Variants in DMRT1 observed in about 807,000 individuals in gnomAD.
DMRT1 encodes the protein doublesex and mab-3 related transcription factor 1.
A neutral mutation model predicts 32.3 loss-of-function variants in DMRT1; 7 were observed. The ratio of observed to expected loss-of-function variants is 0.22; its 90% CI spans 0.12 to 0.41. DMRT1 has a LOEUF of 0.41. Ranked by LOEUF, DMRT1 falls within the 10% of genes least tolerant of loss-of-function variation. The probability of loss-of-function intolerance (pLI) is 1.00; values close to 1 mark genes in which losing one functional copy is unlikely to be tolerated. For synonymous variants in DMRT1, 278 were observed against 206.1 expected (o/e 1.35, Z -2.99); for missense variants, 625 against 500.5 (o/e 1.25, Z -2.37).
At chr9:864,661 G>A (rs765187339) in intron 2 of DMRT1, among the ~76,000 whole-genome samples, 2 of 151,712 alleles carry the variant, frequency 1.3e-5, no homozygotes, top group African/African-American at 4.8e-5. Flanking sequence ...ACCACGCCTG[G>A]CTAATTTTTT....
At chr9:904,256 C>T (rs1032016849) in intron 3 of DMRT1, among the ~76,000 whole-genome samples, 1 of 152,094 alleles carries the variant, frequency 6.6e-6, no homozygotes, top group Non-Finnish European at 1.5e-5. Context: ...TTTATGTTTG[C>T]CCTTTTAGCT....
At chr9:966,862 T>C (rs1357609530) in intron 4 of DMRT1, among the ~76,000 whole-genome samples, 1 of 152,230 alleles carries the variant, frequency 6.6e-6, no homozygotes, top group African/African-American at 2.4e-5. Context: ...TCTCTACAAA[T>C]GACTTCAGCA....
chr9:846,887 G>C, intron 1 of DMRT1, 73 bp from the exon 2 acceptor site: 1 of 1,562,660 alleles, frequency 6.4e-7, no homozygotes, highest in South Asian at 1.1e-5. Flanking sequence ...TGTCTGGGAT[G>C]GGTGGGGCTT....
chr9:872,572 T>TA (rs1246191615), intron 2 of DMRT1, among the ~76,000 whole-genome samples: 1 of 152,230 alleles, frequency 6.6e-6, no homozygotes, highest in East Asian at 1.9e-4. Flanking sequence ...AATGGAATCA[T>TA]ACACTGTGGG....
At chr9:877,749 T>C (rs1816563325) in intron 2 of DMRT1, among the ~76,000 whole-genome samples, 1 of 151,946 alleles carries the variant, frequency 6.6e-6, no homozygotes, top group African/African-American at 2.4e-5. Context: ...GCAAAGGGAG[T>C]ATAAAGGGCT....
At chr9:848,745 G>A (rs1166022233) in intron 2 of DMRT1, among the ~76,000 whole-genome samples, 10 of 148,006 alleles carry the variant, frequency 6.8e-5, no homozygotes, top group Admixed American at 4.1e-4. Context: ...AGTAAAGATG[G>A]AGTTTCACCA....
At chr9:874,961 C>A (rs1295375584) in intron 2 of DMRT1, among the ~76,000 whole-genome samples, 1 of 151,846 alleles carries the variant, frequency 6.6e-6, no homozygotes, top group East Asian at 1.9e-4. Context: ...GTGCCCGCCA[C>A]CACGCCCGGC....
At chr9:863,304 T>G (rs1589465019) in intron 2 of DMRT1, among the ~76,000 whole-genome samples, 8 of 130,100 alleles carry the variant, frequency 6.1e-5, no homozygotes, top group Admixed American at 8.5e-5. Flanking sequence ...GGTGACAGAG[T>G]GAGGCCACGT....
chr9:916,083 A>G (rs1313040857), intron 3 of DMRT1, among the ~76,000 whole-genome samples: 3 of 152,196 alleles, frequency 2.0e-5, no homozygotes, highest in African/African-American at 4.8e-5. Context: ...GGTAACCAAG[A>G]TAAAATTCCA....
At chr9:954,618 TTTTG>T (rs1819536652) in intron 4 of DMRT1, among the ~76,000 whole-genome samples, 1 of 150,914 alleles carries the variant, frequency 6.6e-6, no homozygotes, top group Non-Finnish European at 1.5e-5. Flanking sequence ...TTGTTTGTTT[TTTTG>T]TTGTTGTTGT....
intron 3 of DMRT1, among the ~76,000 whole-genome samples, chr9:905,689 G>T (rs1324854561): frequency 6.6e-6 from 1 of 152,104 alleles, no homozygotes; most frequent in African/African-American, 2.4e-5. Context: ...GGAAGAGGAG[G>T]GTGCAAGCAG....
Position 936,564 on chromosome 9 carries a change from C to T in DMRT1, c.967+19657C>T, listed in dbSNP as rs548587479. ...GTCAGGAGTTCGAGACCAGCCTGGC[C>T]AACATGGCGAAACCCTGTCTCTACT... On this transcript the variant is annotated intron_variant, in intron 4 of 4. Transcript: ENST00000382276. Among the ~76,000 whole-genome samples the T allele has an allele frequency of 3.3e-5, 5 of 152,126 alleles. No individual in the cohort carries two copies. The East Asian group carries it at 7.7e-4, about 24-fold the overall frequency.
intron 2 of DMRT1, among the ~76,000 whole-genome samples, chr9:848,640 A>G (rs1387919887): frequency 5.1e-4 from 70 of 136,772 alleles, no homozygotes; most frequent in Middle Eastern, 4.1e-3. Context: ...TGCAACCTCC[A>G]CCTCCTGGGT....
At chr9:870,363 C>T (rs1402961297) in intron 2 of DMRT1, among the ~76,000 whole-genome samples, 1 of 152,088 alleles carries the variant, frequency 6.6e-6, no homozygotes, top group Non-Finnish European at 1.5e-5. Flanking sequence ...CATGCCGCTG[C>T]ACTCCAGCTT....
chr9:948,008 G>A (rs1819303556), intron 4 of DMRT1, among the ~76,000 whole-genome samples: 1 of 152,142 alleles, frequency 6.6e-6, no homozygotes, highest in African/African-American at 2.4e-5. Flanking sequence ...AGCTCACTGG[G>A]GTGAATCAGT....
chr9:910,633 G>A (rs1817939990), intron 3 of DMRT1, among the ~76,000 whole-genome samples: 1 of 151,968 alleles, frequency 6.6e-6, no homozygotes, highest in African/African-American at 2.4e-5. Context: ...TATGGCTCGG[G>A]TTTACTGTAA....
At chr9:916,718 C>T (rs1818195164) in intron 3 of DMRT1, 45 bp from the exon 4 acceptor site, 5 of 1,606,452 alleles carry the variant, frequency 3.1e-6, no homozygotes, top group Non-Finnish European at 2.6e-6. Flanking sequence ...CTAGTTGTGA[C>T]ATGCAATGTT....
chr9:947,818 T>A (rs1012790086), intron 4 of DMRT1, among the ~76,000 whole-genome samples: 6 of 152,148 alleles, frequency 3.9e-5, no homozygotes, highest in African/African-American at 1.4e-4. Context: ...GAAGTCAAGT[T>A]TTATTATTGT....
intron 4 of DMRT1, among the ~76,000 whole-genome samples, chr9:961,319 G>A (rs923088488): frequency 2.0e-5 from 3 of 152,170 alleles, no homozygotes; most frequent in African/African-American, 7.2e-5. Flanking sequence ...CCCAGTAATT[G>A]TAGATTAGGA....
Sources: allele counts gnomAD v4.1 joint callset (sites outside exome capture counted in the v4.1 genomes callset), GRCh38; gene constraint gnomAD v4.1.1; transcripts MANE v1.5; gene names NCBI Gene and HGNC (gene_info 2026-07-23, HGNC 2026-07-21).